KAZN: variants seen among roughly 807,000 people sequenced by gnomAD.
KAZN encodes the protein kazrin.
KAZN carries 40 observed loss-of-function variants against 87.4 expected under a neutral mutation model. That is an observed-to-expected ratio of 0.46 (90% CI 0.36 to 0.60). The LOEUF is 0.60. KAZN is among the 20% of genes least tolerant of loss of function. The pLI is 0.00. For synonymous variants in KAZN, 466 were observed against 458.3 expected, an observed-to-expected ratio of 1.02 and a Z score of -0.22; for missense variants, 898 against 1,073.9, an observed-to-expected ratio of 0.84 and a Z score of 2.29.
chr1:15,059,480 G>A (rs557798620), intron 5 of KAZN, among the ~76,000 whole-genome samples: 215 of 152,328 alleles, frequency 1.4e-3, no homozygotes, highest in African/African-American at 5.0e-3. Context: ...AGGCCAGGAG[G>A]AAGAGAGATG....
chr1:14,956,647 C>T (rs1663150163), intron 1 of KAZN, among the ~76,000 whole-genome samples: 1 of 152,096 alleles, frequency 6.6e-6, no homozygotes, highest in South Asian at 2.1e-4. Context: ...CCTGCCTCTT[C>T]TACCTGTGTG....
chr1:14,266,919 G>A (rs1335747876), intron 2 of KAZN, among the ~76,000 whole-genome samples: 1 of 151,012 alleles, frequency 6.6e-6, no homozygotes, highest in Non-Finnish European at 1.5e-5. Context: ...TAAATTTTAG[G>A]GTACATGTGC....
At chr1:14,939,655 T>G (rs72871867) in intron 1 of KAZN, among the ~76,000 whole-genome samples, 8,659 of 151,428 alleles carry the variant, frequency 0.057, 780 homozygotes, top group African/African-American at 0.19. Flanking sequence ...TAGGGTGGAG[T>G]GTGTGTACTT....
At chr1:14,731,525 T>C (rs1643678648) in intron 1 of KAZN, among the ~76,000 whole-genome samples, 1 of 152,222 alleles carries the variant, frequency 6.6e-6, no homozygotes, top group African/African-American at 2.4e-5. Context: ...ACAGAAGGTT[T>C]TGCTTCTGGG....
chr1:14,766,804 T>C (rs931538583), intron 1 of KAZN, among the ~76,000 whole-genome samples: 20 of 151,584 alleles, frequency 1.3e-4, no homozygotes, highest in Admixed American at 9.9e-4. Context: ...ATACCACTGG[T>C]TCCTCTTAGA....
At chr1:14,296,588 A>T (rs192158708) in intron 2 of KAZN, among the ~76,000 whole-genome samples, 2 of 148,310 alleles carry the variant, frequency 1.3e-5, no homozygotes, top group East Asian at 4.0e-4. Flanking sequence ...TTTGAAAACT[A>T]CACTACTTTT....
At chr1:14,706,672 G>T (rs1642227397) in intron 1 of KAZN, among the ~76,000 whole-genome samples, 1 of 152,192 alleles carries the variant, frequency 6.6e-6, no homozygotes. Context: ...TATGGTTACA[G>T]TTGGAGGTAC....
chr1:14,268,023 A>G (rs945267685), intron 2 of KAZN, among the ~76,000 whole-genome samples: 3 of 152,224 alleles, frequency 2.0e-5, no homozygotes, highest in Non-Finnish European at 4.4e-5. Context: ...GATTCTGGTT[A>G]AATTGAATTG....
intron 2 of KAZN, among the ~76,000 whole-genome samples, chr1:14,570,627 A>G (rs1674806451): frequency 2.0e-5 from 3 of 152,152 alleles, no homozygotes; most frequent in Admixed American, 1.3e-4. Flanking sequence ...TTAACCATTC[A>G]TCAGTTGATG....
At chr1:14,186,100 A>G (rs1485607767) in intron 2 of KAZN, among the ~76,000 whole-genome samples, 1 of 152,158 alleles carries the variant, frequency 6.6e-6, no homozygotes, top group African/African-American at 2.4e-5. Context: ...GCCAAAGGAC[A>G]ATTTGGGAAT....
At chr1:14,392,283 T>C (rs1368727544) in intron 2 of KAZN, among the ~76,000 whole-genome samples, 1 of 152,188 alleles carries the variant, frequency 6.6e-6, no homozygotes, top group Non-Finnish European at 1.5e-5. Context: ...GGGGTGGACA[T>C]GTACATATAT....
intron 1 of KAZN, among the ~76,000 whole-genome samples, chr1:14,089,100 A>G (rs7531760): frequency 2.0e-4 from 31 of 151,866 alleles, no homozygotes; most frequent in African/African-American, 7.2e-4. Context: ...CCACACATGC[A>G]TAACCTCCCT....
At chr1:14,844,975 AGATG>A (rs1209996849) in intron 1 of KAZN, among the ~76,000 whole-genome samples, 4 of 149,694 alleles carry the variant, frequency 2.7e-5, no homozygotes, top group South Asian at 2.1e-4. Flanking sequence ...ATGGATGGGT[AGATG>A]GATGGATGGA....
chr1:14,886,689 G>C (rs1237078255), intron 1 of KAZN, among the ~76,000 whole-genome samples: 2 of 152,134 alleles, frequency 1.3e-5, no homozygotes, highest in African/African-American at 4.8e-5. Flanking sequence ...TACTCCGGAG[G>C]CTGAGGCGGG....
intron 2 of KAZN, among the ~76,000 whole-genome samples, chr1:14,965,405 G>T (rs967856195): frequency 6.6e-6 from 1 of 152,198 alleles, no homozygotes; most frequent in African/African-American, 2.4e-5. Context: ...CCCCTTTGGG[G>T]TGTCTGTTGA....
At chr1:14,859,446 G>C (rs1305324675) in intron 1 of KAZN, among the ~76,000 whole-genome samples, 2 of 152,148 alleles carry the variant, frequency 1.3e-5, no homozygotes, top group East Asian at 3.9e-4. Flanking sequence ...TGAGGTCCAG[G>C]CTCTTAACCA....
chr1:14,641,043 A>C (rs10754865), intron 1 of KAZN, among the ~76,000 whole-genome samples: 27,333 of 152,206 alleles, frequency 0.18, 2,645 homozygotes, highest in South Asian at 0.28. Context: ...ACCACAGGGC[A>C]TCATTCCCAA....
chr1:14,201,793 C>T (rs1425583972), intron 2 of KAZN, among the ~76,000 whole-genome samples: 13 of 152,054 alleles, frequency 8.5e-5, no homozygotes, highest in Admixed American at 3.3e-4. Flanking sequence ...CTTAGCCTCC[C>T]GAGTAGCTGG....
At chr1:14,485,652 C>T (rs553961172) in intron 2 of KAZN, among the ~76,000 whole-genome samples, 27 of 152,110 alleles carry the variant, frequency 1.8e-4, no homozygotes, top group African/African-American at 4.6e-4. Context: ...CCCAGCACGT[C>T]GGGAGGCTGA....
Sources: allele counts gnomAD v4.1 joint callset (sites outside exome capture counted in the v4.1 genomes callset), GRCh38; gene constraint gnomAD v4.1.1; transcripts MANE v1.5; gene names NCBI Gene and HGNC (gene_info 2026-07-23, HGNC 2026-07-21).